BTBD10: variants seen among roughly 807,000 people sequenced by gnomAD.
BTBD10 encodes the protein BTB domain containing 10, also known as BTB/POZ domain-containing protein 10.
A neutral mutation model predicts 53.2 loss-of-function variants in BTBD10; 21 were observed. That is an observed-to-expected ratio of 0.39 (90% CI 0.28 to 0.57). The LOEUF is 0.57. BTBD10 is among the 20% of genes least tolerant of loss of function. BTBD10 has a pLI of 0.53. For missense variants in BTBD10, 360 were observed against 594.7 expected, an observed-to-expected ratio of 0.61 and a Z score of 4.10; for synonymous variants, 149 against 192.7, an observed-to-expected ratio of 0.77 and a Z score of 1.88.
At chr11:13,413,451 A>T in intron 6 of BTBD10, 79 bp downstream of exon 6, 1 of 1,271,238 alleles carries the variant, frequency 7.9e-7, no homozygotes, top group Non-Finnish European at 1.1e-6. Context: ...CTAACTAGGT[A>T]AATAGCACTA....
intron 1 of BTBD10, among the ~76,000 whole-genome samples, chr11:13,461,589 G>C (rs768598464): frequency 6.6e-6 from 1 of 152,278 alleles, no homozygotes; most frequent in Non-Finnish European, 1.5e-5. Flanking sequence ...CAACTCCATA[G>C]TTAATAATTT....
rs757435740 is a variant in BTBD10, at chr11:13,388,689, C to CTTTT, written c.*141_*142insAAAA. 4.3e-4 allele frequency: 389 copies of CTTTT among 910,280 alleles called. No individual in the cohort carries two copies. Among genetic ancestry groups the CTTTT allele is most frequent in the Non-Finnish European group, 5.8e-4 (356 of 617,130 alleles). 56.4% of individuals were successfully genotyped at this position (910,280 alleles called of 1,614,324 possible). A position where few individuals can be genotyped will look rare whatever the true frequency, so the allele number is the denominator to read the frequency against. ...AAAAAACCATTCAGCTACCTTTGGTCTTTAAAAAAGCCTACACTGCAATAT... is the reference window on the plus strand; with the variant it reads ...AAAAAACCATTCAGCTACCTTTGGTCTTTTTTTAAAAAAGCCTACACTGCAATAT... On this transcript the variant is annotated 3_prime_UTR_variant, in exon 9 of 9. Transcript: ENST00000278174.
intron 1 of BTBD10, among the ~76,000 whole-genome samples, chr11:13,456,823 C>T (rs938819618): frequency 2.6e-5 from 4 of 152,104 alleles, no homozygotes; most frequent in African/African-American, 9.7e-5. Flanking sequence ...GTTGGTGAAG[C>T]TGTGGAGAAG....
At chr11:13,445,784 T>C (rs1950740489) in intron 1 of BTBD10, among the ~76,000 whole-genome samples, 1 of 152,176 alleles carries the variant, frequency 6.6e-6, no homozygotes, top group Non-Finnish European at 1.5e-5. Context: ...CCTTTTCACA[T>C]GTGAGGCTTG....
chr11:13,402,751 A>G (rs1949740004), intron 8 of BTBD10, among the ~76,000 whole-genome samples: 1 of 152,198 alleles, frequency 6.6e-6, no homozygotes, highest in South Asian at 2.1e-4. Context: ...TAAGTAAGCT[A>G]CTAGTAGTGC....
At chr11:13,413,235 TCC>T (rs879379099) in intron 6 of BTBD10, among the ~76,000 whole-genome samples, 23 of 152,044 alleles carry the variant, frequency 1.5e-4, no homozygotes, top group Non-Finnish European at 3.1e-4. Context: ...AAGCCAAGGA[TCC>T]AAATCTAGGA....
chr11:13,392,658 A>G (rs1949438791), intron 8 of BTBD10, among the ~76,000 whole-genome samples: 2 of 152,130 alleles, frequency 1.3e-5, no homozygotes, highest in South Asian at 4.1e-4. Flanking sequence ...GGTTCTGTAT[A>G]TAGGTGAACT....
chr11:13,400,122 T>C (rs1037854814), intron 8 of BTBD10, among the ~76,000 whole-genome samples: 1 of 152,222 alleles, frequency 6.6e-6, no homozygotes, highest in African/African-American at 2.4e-5. Context: ...TGTCTTTTGT[T>C]TGTCTGTGCC....
Position 13,445,036 on chromosome 11 carries a change from T to C in BTBD10, c.89A>G (p.Tyr30Cys), listed in dbSNP as rs1950727268. ...ATTTTCTACCTACCTTGAATGTTTA[T>C]AAAGTTTACGAGGTCTACTATGCAA... ...RKLHSRPRKL[Y>C]KHSSTSSRIA... Residue 30 changes from tyrosine (Y) to cysteine (C), a missense_variant, in exon 2 of 9, where the codon TAT (tyrosine) becomes TGT (cysteine). This residue lies in a region of BTBD10 where 81 missense variants were observed against 82.6 expected (regional missense o/e 0.98). Coordinates refer to ENST00000278174, the MANE Select transcript of BTBD10 (RefSeq NM_032320.7). The C allele has an allele frequency of 1.2e-6, 2 of 1,609,424 alleles. No individual in the cohort carries two copies. The highest frequency in any genetic ancestry group is 1.3e-5 in the African/African-American group (1 of 74,754).
At chr11:13,454,116 A>G (rs1358779338) in intron 1 of BTBD10, among the ~76,000 whole-genome samples, 1 of 152,224 alleles carries the variant, frequency 6.6e-6, no homozygotes, top group Non-Finnish European at 1.5e-5. Flanking sequence ...ATAATTTACT[A>G]GTGCAGAGGA....
At chr11:13,430,325 C>T (rs1479943354) in intron 2 of BTBD10, among the ~76,000 whole-genome samples, 1 of 152,136 alleles carries the variant, frequency 6.6e-6, no homozygotes, top group Non-Finnish European at 1.5e-5. Context: ...GACACTGTTA[C>T]ATCATTACAC....
At chr11:13,460,321 C>A (rs1951067368) in intron 1 of BTBD10, among the ~76,000 whole-genome samples, 1 of 152,114 alleles carries the variant, frequency 6.6e-6, no homozygotes, top group African/African-American at 2.4e-5. Context: ...TTTCAAAATT[C>A]TCTCCCTTAC....
chr11:13,433,788 A>G (rs1402702187), intron 2 of BTBD10, among the ~76,000 whole-genome samples: 1 of 152,214 alleles, frequency 6.6e-6, no homozygotes, highest in Non-Finnish European at 1.5e-5. Context: ...ATCCAGCCCT[A>G]TACAGAAAAA....
intron 2 of BTBD10, among the ~76,000 whole-genome samples, chr11:13,430,398 G>A (rs1450886307): frequency 1.3e-5 from 2 of 152,270 alleles, no homozygotes; most frequent in African/African-American, 4.8e-5. Flanking sequence ...GTATGAAATG[G>A]AACTCTCATA....
At chr11:13,444,932 T>C (rs548368918) in intron 2 of BTBD10, 92 bp downstream of exon 2, 2 of 874,372 alleles carry the variant, frequency 2.3e-6, no homozygotes, top group South Asian at 4.1e-5. Context: ...CCCCATTCTC[T>C]GACAGGAATT....
rs199534943 is a variant in BTBD10, at chr11:13,419,703, C to T, written c.341G>A (p.Arg114His). The T allele has an allele frequency of 1.7e-5, 28 of 1,612,598 alleles. No homozygotes were observed. The highest frequency in any genetic ancestry group is 2.2e-5 in the East Asian group (1 of 44,800). Residue 114 changes from arginine to histidine, a missense_variant, in exon 4 of 9, where the codon CGT (arginine) becomes CAT (histidine). Around this residue, in one of 6 missense-constraint regions of BTBD10, gnomAD observed 109 missense variants for 118.6 expected, o/e 0.92. Transcript: ENST00000278174. The stretch of plus-strand genomic sequence containing the variant: ...ACCATTTGGGGATGCTTTTTGAGGA[C>T]GCGGACTGCTTGGACGAGAGGAACT... ...DHSSSRPSSP[R>H]PQKASPNGSI... is the part of the protein sequence containing the mutation.
intron 8 of BTBD10, among the ~76,000 whole-genome samples, chr11:13,399,895 C>A (rs564318710): frequency 3.3e-5 from 5 of 152,284 alleles, no homozygotes; most frequent in Admixed American, 2.0e-4. Context: ...GCTGCCTGAT[C>A]GTTCCTCTGG....
chr11:13,442,112 C>T (rs1174795025), intron 2 of BTBD10, among the ~76,000 whole-genome samples: 2 of 152,102 alleles, frequency 1.3e-5, no homozygotes, highest in South Asian at 2.1e-4. Context: ...TAAACATGCA[C>T]CCGCCATTGC....
chr11:13,461,737 A>T (rs1487828185), intron 1 of BTBD10, among the ~76,000 whole-genome samples: 1 of 152,202 alleles, frequency 6.6e-6, no homozygotes, highest in Non-Finnish European at 1.5e-5. Context: ...ACACAAAAAC[A>T]TTGTTGAAAC....
Sources: allele counts gnomAD v4.1 joint callset (sites outside exome capture counted in the v4.1 genomes callset), GRCh38; gene constraint gnomAD v4.1.1; regional missense constraint gnomAD v4.1.1; transcripts MANE v1.5; gene names NCBI Gene and HGNC (gene_info 2026-07-23, HGNC 2026-07-21).